TCF4: variants seen among roughly 807,000 people sequenced by gnomAD.
TCF4 encodes the protein transcription factor 4.
A neutral mutation model predicts 82.1 loss-of-function variants in TCF4; 3 were observed. The observed-to-expected ratio is 0.04, with a 90% CI of 0.02 to 0.09. TCF4 has a LOEUF of 0.09. TCF4 is among the 10% of genes least tolerant of loss of function. The probability of loss-of-function intolerance (pLI) is 1.00; values close to 1 mark genes in which losing one functional copy is unlikely to be tolerated. For missense variants in TCF4, 518 were observed against 852.7 expected (o/e 0.61, Z 4.89); for synonymous variants, 276 against 309.6 (o/e 0.89, Z 1.14).
chr18:55,314,082 T>C (rs1301692824), intron 8 of TCF4, among the ~76,000 whole-genome samples: 2 of 152,288 alleles, frequency 1.3e-5, no homozygotes, highest in Non-Finnish European at 2.9e-5. Context: ...GAAGCCCTAA[T>C]ATCCCATATT....
At chr18:55,332,627 G>A (rs528767445) in intron 8 of TCF4, among the ~76,000 whole-genome samples, 3 of 152,282 alleles carry the variant, frequency 2.0e-5, no homozygotes, top group East Asian at 3.9e-4. Context: ...TACACACTTC[G>A]GTGCAAATCT....
intron 6 of TCF4, among the ~76,000 whole-genome samples, chr18:55,362,908 A>T (rs895047522): frequency 6.6e-6 from 1 of 152,240 alleles, no homozygotes; most frequent in Non-Finnish European, 1.5e-5. Flanking sequence ...ATTCAGCAGT[A>T]TAAACACTTC....
intron 5 of TCF4, among the ~76,000 whole-genome samples, chr18:55,433,994 C>A (rs1483785081): frequency 6.6e-6 from 1 of 152,040 alleles, no homozygotes; most frequent in Admixed American, 6.6e-5. Context: ...AACTTTTATT[C>A]TAAAGGAAAT....
At chr18:55,585,620 C>T in intron 2 of TCF4, 1 of 555,450 alleles carries the variant, frequency 1.8e-6, no homozygotes, top group Non-Finnish European at 2.8e-6. Context: ...AAACACAGTC[C>T]CCATAATGTT....
chr18:55,391,027 T>C (rs955212624), intron 6 of TCF4, among the ~76,000 whole-genome samples: 1 of 152,168 alleles, frequency 6.6e-6, no homozygotes, highest in East Asian at 1.9e-4. Context: ...GACAGTTACA[T>C]GGCAGAGATG....
At chr18:55,464,390 T>C (rs2095956651) in intron 3 of TCF4, among the ~76,000 whole-genome samples, 1 of 152,226 alleles carries the variant, frequency 6.6e-6, no homozygotes, top group African/African-American at 2.4e-5. Flanking sequence ...TCACAGTGTT[T>C]GATAGCCTCA....
Position 55,261,472 on chromosome 18 carries a change from A to C in TCF4, c.984T>G (p.Leu328=). The C allele has an allele frequency of 6.2e-7, 1 of 1,613,916 alleles. No individual in the cohort carries two copies. The highest frequency in any genetic ancestry group is 8.5e-7 in the Non-Finnish European group (1 of 1,179,846). The part of the protein sequence containing the change: ...SQTGDALGKA[L]ASIYSPDHTN... ...AAAGTCAATATTTCCTCACCGAAGC[A>C]AGTGCTTTCCCCAGAGCATCTCCAG... Residue 328 remains leucine (L), a synonymous_variant, in exon 12 of 20, where the codon CTT becomes CTG. Coordinates refer to ENST00000354452, the MANE Select transcript of TCF4 (RefSeq NM_001083962.2).
intron 8 of TCF4, among the ~76,000 whole-genome samples, chr18:55,326,582 G>A (rs1444437545): frequency 6.6e-6 from 1 of 152,034 alleles, no homozygotes; most frequent in Non-Finnish European, 1.5e-5. Flanking sequence ...TGAGAATTAT[G>A]TATGTACTTA....
intron 8 of TCF4, among the ~76,000 whole-genome samples, chr18:55,293,785 G>T (rs2065697641): frequency 6.6e-6 from 1 of 152,022 alleles, no homozygotes. Context: ...TTGACATGTG[G>T]ATAAGCTATT....
intron 8 of TCF4, among the ~76,000 whole-genome samples, chr18:55,297,687 T>G (rs1182751095): frequency 6.6e-6 from 1 of 152,100 alleles, no homozygotes; most frequent in Non-Finnish European, 1.5e-5. Context: ...GATGGTTGTT[T>G]GCGTGCATTA....
At chr18:55,559,216 T>G (rs1169111537) in intron 3 of TCF4, among the ~76,000 whole-genome samples, 1 of 151,766 alleles carries the variant, frequency 6.6e-6, no homozygotes, top group Non-Finnish European at 1.5e-5. Flanking sequence ...AATGTTACCT[T>G]AATTTGGCCT....
intron 6 of TCF4, among the ~76,000 whole-genome samples, chr18:55,400,541 C>A (rs1421279346): frequency 6.6e-6 from 1 of 152,114 alleles, no homozygotes; most frequent in Admixed American, 6.5e-5. Flanking sequence ...AATAATATCT[C>A]ATTACTATTT....
chr18:55,422,277 A>T (rs2094800432), intron 5 of TCF4: 1 of 985,344 alleles, frequency 1.0e-6, no homozygotes, highest in Non-Finnish European at 1.2e-6. Flanking sequence ...GTGGATGAAT[A>T]AACTGTTGTG....
At chr18:55,289,691 T>C (rs934029958) in intron 8 of TCF4, among the ~76,000 whole-genome samples, 4 of 152,190 alleles carry the variant, frequency 2.6e-5, no homozygotes, top group Non-Finnish European at 5.9e-5. Context: ...CTGAAAGCAC[T>C]GTTTTATCAA....
chr18:55,422,561 G>C (rs77830607), intron 5 of TCF4: 262 of 731,924 alleles, frequency 3.6e-4, no homozygotes, highest in Non-Finnish European at 4.1e-4. Flanking sequence ...GGAAATTTAG[G>C]GGGGTGGTTT....
intron 3 of TCF4, among the ~76,000 whole-genome samples, chr18:55,476,170 C>T (rs906166595): frequency 9.8e-5 from 12 of 122,966 alleles, no homozygotes; most frequent in Non-Finnish European, 5.7e-5. Flanking sequence ...CATGGGCTGA[C>T]GTACAAAAAA....
intron 8 of TCF4, among the ~76,000 whole-genome samples, chr18:55,308,598 C>T (rs1184375064): frequency 6.6e-6 from 1 of 152,164 alleles, no homozygotes; most frequent in East Asian, 1.9e-4. Flanking sequence ...AAAAGGTCTA[C>T]AAAGATGCAT....
intron 3 of TCF4, among the ~76,000 whole-genome samples, chr18:55,558,699 G>A (rs1017042028): frequency 1.2e-4 from 19 of 152,076 alleles, no homozygotes; most frequent in Non-Finnish European, 2.5e-4. Context: ...TCATTAAAAC[G>A]CAGATTCTGT....
At chr18:55,589,919 T>G (rs1464569764), upstream of TCF4, 22 of 804,806 alleles carry the variant, frequency 2.7e-5, no homozygotes, top group Non-Finnish European at 3.2e-5. Context: ...GCGGCCAAGA[T>G]GGCGGTGCTG....
Sources: gnomAD v4.1 joint callset for allele counts (sites outside exome capture counted in the v4.1 genomes callset) on GRCh38, gnomAD v4.1.1 for gene constraint, MANE v1.5 for transcripts, NCBI Gene and HGNC (gene_info 2026-07-23, HGNC 2026-07-21) for gene names.